ASTN2: variants seen among roughly 807,000 people sequenced by gnomAD.
The protein encoded by ASTN2 is astrotactin 2.
A neutral mutation model predicts 139.8 loss-of-function variants in ASTN2; 54 were observed. The observed-to-expected ratio is 0.39, with a 90% confidence interval of 0.31 to 0.48. ASTN2 has a LOEUF of 0.48. Among genes scored for constraint, ASTN2 ranks in the 20% least tolerant of loss-of-function variants. ASTN2 has a pLI of 0.95. For synonymous variants in ASTN2, 756 were observed against 719.5 expected (o/e 1.05, Z -0.81); for missense variants, 1,565 against 1,725.1 (o/e 0.91, Z 1.64).
chr9:116,866,892 C>CAAAAA (rs57448374), intron 10 of ASTN2, among the ~76,000 whole-genome samples: 2 of 90,674 alleles, frequency 2.2e-5, no homozygotes, highest in African/African-American at 8.3e-5. Context: ...GACTCCGTCT[C>CAAAAA]AAAAAAAAAA....
chr9:116,997,287 T>C (rs1358836997), intron 7 of ASTN2, among the ~76,000 whole-genome samples: 1 of 152,200 alleles, frequency 6.6e-6, no homozygotes, highest in African/African-American at 2.4e-5. Context: ...TAGACACAGA[T>C]TGTCCTTTCT....
intron 2 of ASTN2, among the ~76,000 whole-genome samples, chr9:117,217,842 G>T (rs1832378318): frequency 6.6e-6 from 1 of 152,178 alleles, no homozygotes; most frequent in Non-Finnish European, 1.5e-5. Flanking sequence ...TGAGTTTCTG[G>T]CCCTATATAC....
At chr9:116,515,518 A>G (rs1850607653) in intron 19 of ASTN2, among the ~76,000 whole-genome samples, 1 of 152,212 alleles carries the variant, frequency 6.6e-6, no homozygotes, top group Non-Finnish European at 1.5e-5. Context: ...TGTCCTGAGG[A>G]AGGAGCCAAT....
intron 17 of ASTN2, among the ~76,000 whole-genome samples, chr9:116,642,524 A>G (rs1857393072): frequency 6.6e-6 from 1 of 152,114 alleles, no homozygotes; most frequent in South Asian, 2.1e-4. Flanking sequence ...CTCACTCTTC[A>G]GCCATCTCAT....
chr9:116,840,758 G>T (rs1398384582), intron 11 of ASTN2, among the ~76,000 whole-genome samples: 1 of 147,156 alleles, frequency 6.8e-6, no homozygotes, highest in African/African-American at 2.5e-5. Flanking sequence ...GGGCAGAGGT[G>T]CTCCCCACAT....
rs572595150 is a variant in ASTN2, at chr9:117,059,428, A to G, written c.1277-19463T>C. On this transcript the variant is annotated intron_variant, in intron 5 of 22. Transcript: ENST00000313400. Reference sequence around the variant, plus strand: ...GGAGTTCGAGAGCAGCCTGACCAACATGGTGAAACCCCATCTCTACTAAAA... The same window carrying G: ...GGAGTTCGAGAGCAGCCTGACCAACGTGGTGAAACCCCATCTCTACTAAAA... Among the ~76,000 whole-genome samples the G allele has an allele frequency of 4.0e-4, 61 of 152,142 alleles. No homozygotes were observed. The South Asian group carries it at 6.0e-3, about 15-fold the overall frequency.
intron 2 of ASTN2, among the ~76,000 whole-genome samples, chr9:117,254,453 C>T (rs1003521945): frequency 6.6e-6 from 1 of 152,122 alleles, no homozygotes; most frequent in African/African-American, 2.4e-5. Flanking sequence ...TTTGATTTGA[C>T]CAACAGCTCC....
intron 19 of ASTN2, among the ~76,000 whole-genome samples, chr9:116,578,652 G>GTGTT (rs1024358894): frequency 7.7e-6 from 1 of 130,078 alleles, no homozygotes; most frequent in Non-Finnish European, 1.7e-5. Flanking sequence ...GTGTGTGTGT[G>GTGTT]TGTGTGTGTG....
chr9:117,077,684 G>C (rs955695946), intron 5 of ASTN2, among the ~76,000 whole-genome samples: 8 of 152,148 alleles, frequency 5.3e-5, no homozygotes, highest in Non-Finnish European at 8.8e-5. Flanking sequence ...GCAGATGGAG[G>C]CTGCAGTGAG....
chr9:116,608,131 C>G (rs549258658), intron 19 of ASTN2, among the ~76,000 whole-genome samples: 24 of 152,278 alleles, frequency 1.6e-4, no homozygotes, highest in Admixed American at 6.5e-4. Flanking sequence ...CTGACAGATT[C>G]CCTGAATTGC....
intron 3 of ASTN2, chr9:117,181,268 CAG>C: frequency 4.2e-6 from 2 of 481,846 alleles, no homozygotes; most frequent in Non-Finnish European, 7.5e-6. Flanking sequence ...ATAACTATTT[CAG>C]AGATGGGGAA....
chr9:117,220,242 G>A (rs896482086), intron 2 of ASTN2, among the ~76,000 whole-genome samples: 59 of 152,046 alleles, frequency 3.9e-4, no homozygotes, highest in Middle Eastern at 6.8e-3. Flanking sequence ...TAATGTCCAG[G>A]TTCCCTAGCC....
At chr9:116,942,374 C>G (rs1835265996) in intron 10 of ASTN2, among the ~76,000 whole-genome samples, 1 of 152,158 alleles carries the variant, frequency 6.6e-6, no homozygotes, top group Non-Finnish European at 1.5e-5. Context: ...TGATGCCTGG[C>G]CTTCCTACCT....
At position 116,725,823 on chromosome 9, in the gene ASTN2, G is replaced by T; in HGVS notation, c.2754C>A (p.Ile918=). The change falls in exon 16 of 23, where the codon ATC becomes ATA. Residue 918 remains isoleucine (I), a synonymous_variant. Transcript: ENST00000313400. ...GCTGGACCTTCTTGCTGGGAAAGTG[G>T]ATGATGCAGGTGAGCTCTGAGCCAT... The part of the protein sequence containing the change: ...ALYGSELTCI[I]HFPSKKVQQQ... 14 of 1,613,992 alleles carry T rather than the reference G, an allele frequency of 8.7e-6. No individual in the cohort carries two copies. The highest frequency in any genetic ancestry group is 1.1e-5 in the Non-Finnish European group (13 of 1,180,030).
intron 2 of ASTN2, among the ~76,000 whole-genome samples, chr9:117,229,096 T>A (rs1832807148): frequency 6.6e-6 from 1 of 152,186 alleles, no homozygotes; most frequent in Non-Finnish European, 1.5e-5. Flanking sequence ...CCCAGCTACC[T>A]GTCACCTTAC....
chr9:116,517,527 C>G (rs931266213), intron 19 of ASTN2, among the ~76,000 whole-genome samples: 1 of 152,180 alleles, frequency 6.6e-6, no homozygotes. Flanking sequence ...CCCAGATCTT[C>G]CCTCTGACAT....
chr9:117,367,927 T>C (rs10513300), intron 1 of ASTN2, among the ~76,000 whole-genome samples: 10,990 of 152,158 alleles, frequency 0.072, 905 homozygotes, highest in East Asian at 0.26. Flanking sequence ...ATATGAGTTC[T>C]GTACAATATT....
intron 2 of ASTN2, among the ~76,000 whole-genome samples, chr9:117,265,266 GGCAACAGAAGGT>G (rs1236255066): frequency 6.6e-6 from 1 of 152,062 alleles, no homozygotes; most frequent in African/African-American, 2.4e-5. Flanking sequence ...TGCCACTGTG[GGCAACAGAAGGT>G]GCATTGTGCT....
At chr9:117,370,307 T>C (rs1829955106) in intron 1 of ASTN2, among the ~76,000 whole-genome samples, 1 of 152,180 alleles carries the variant, frequency 6.6e-6, no homozygotes, top group Admixed American at 6.6e-5. Flanking sequence ...CTTTTCATCA[T>C]GCACAGTCAA....
Sources: allele counts gnomAD v4.1 joint callset (sites outside exome capture counted in the v4.1 genomes callset), GRCh38; gene constraint gnomAD v4.1.1; transcripts MANE v1.5; gene names NCBI Gene and HGNC (gene_info 2026-07-23, HGNC 2026-07-21).